CNTNAP2: variants seen among roughly 807,000 people sequenced by gnomAD.
CNTNAP2 encodes the protein contactin-associated protein-like 2.
In CNTNAP2, 98 loss-of-function variants were observed where a neutral mutation model predicts 155.2. The ratio of observed to expected loss-of-function variants is 0.63; its 90% CI spans 0.54 to 0.75. CNTNAP2 has a LOEUF of 0.75. Among genes scored for constraint, CNTNAP2 ranks in the 30% least tolerant of loss-of-function variants. CNTNAP2 has a pLI of 0.00. For missense variants in CNTNAP2, 1,727 were observed against 1,688.1 expected, an observed-to-expected ratio of 1.02 and a Z score of -0.40; for synonymous variants, 651 against 631.2, an observed-to-expected ratio of 1.03 and a Z score of -0.47.
chr7:146,563,135 A>T (rs1798305377), intron 1 of CNTNAP2, among the ~76,000 whole-genome samples: 1 of 152,200 alleles, frequency 6.6e-6, no homozygotes, highest in Non-Finnish European at 1.5e-5. Flanking sequence ...CTTTGCAGTT[A>T]AGTTTGCAGG....
chr7:147,262,530 C>G lies in CNTNAP2; in HGVS notation c.1349-37611C>G, dbSNP rs575649881. 5.3e-5 allele frequency among the ~76,000 whole-genome samples: 8 copies of G among 152,220 alleles called. No individual in the cohort carries two copies. In the South Asian group the frequency reaches 1.5e-3, roughly 28 times the overall value. The stretch of plus-strand genomic sequence containing the variant: ...AAGGACGCAGGGAGGCCGGGCCTGG[C>G]GCGGTGGCTCACGCCTGTAATCTCA... On this transcript the variant is annotated intron_variant, in intron 8 of 23. Coordinates refer to ENST00000361727, the MANE Select transcript of CNTNAP2 (RefSeq NM_014141.6).
intron 18 of CNTNAP2, among the ~76,000 whole-genome samples, chr7:148,195,033 C>T (rs1795254458): frequency 6.6e-6 from 1 of 152,202 alleles, no homozygotes; most frequent in Non-Finnish European, 1.5e-5. Flanking sequence ...AGCACTCAGT[C>T]AACACCCAAA....
intron 11 of CNTNAP2, among the ~76,000 whole-genome samples, chr7:147,490,215 T>C (rs6942651): frequency 0.034 from 5,207 of 152,278 alleles, 233 homozygotes; most frequent in African/African-American, 0.099. Context: ...AGATGACCTA[T>C]ATAATTCTCT....
intron 1 of CNTNAP2, among the ~76,000 whole-genome samples, chr7:146,528,287 G>A (rs1433618649): frequency 6.6e-6 from 1 of 152,168 alleles, no homozygotes; most frequent in Non-Finnish European, 1.5e-5. Flanking sequence ...GTGAGCTCTG[G>A]AGGAAGCCTG....
chr7:148,234,048 T>C (rs979320547), intron 20 of CNTNAP2, among the ~76,000 whole-genome samples: 2 of 152,224 alleles, frequency 1.3e-5, no homozygotes, highest in Non-Finnish European at 2.9e-5. Context: ...CTGTACAGCC[T>C]GTAGAACTGT....
At position 147,215,273 on chromosome 7, in the gene CNTNAP2, T is replaced by C. The variant is rs1803242343; in HGVS notation, c.1348+82764T>C. 2.0e-5 allele frequency among the ~76,000 whole-genome samples: 3 copies of C among 152,270 alleles called. 1 individual carries two copies. Among genetic ancestry groups the C allele is most frequent in the African/African-American group, 7.2e-5 (3 of 41,560 alleles). On this transcript the variant is annotated intron_variant, in intron 8 of 23. Coordinates refer to ENST00000361727, the MANE Select transcript of CNTNAP2 (RefSeq NM_014141.6). The stretch of plus-strand genomic sequence containing the variant: ...TGAACATCCTATGGGTTTTGACAAA[T>C]ATATAATGAAATATAGCCAACACTA...
At chr7:146,930,113 G>C (rs1401483093) in intron 3 of CNTNAP2, among the ~76,000 whole-genome samples, 1 of 151,994 alleles carries the variant, frequency 6.6e-6, no homozygotes, top group Non-Finnish European at 1.5e-5. Context: ...TCCTCGAGAA[G>C]AGCAACTCCA....
At chr7:148,081,786 G>C (rs1803609818) in intron 15 of CNTNAP2, among the ~76,000 whole-genome samples, 1 of 152,040 alleles carries the variant, frequency 6.6e-6, no homozygotes, top group Non-Finnish European at 1.5e-5. Flanking sequence ...TGAGGGGGTA[G>C]TAATTTTTCC....
At chr7:146,726,746 T>C (rs375049479) in intron 1 of CNTNAP2, among the ~76,000 whole-genome samples, 8 of 152,176 alleles carry the variant, frequency 5.3e-5, no homozygotes, top group African/African-American at 1.9e-4. Flanking sequence ...TCTTGGATTG[T>C]GAATGACCTC....
chr7:146,767,305 C>A lies in CNTNAP2; in HGVS notation c.98-6966C>A, dbSNP rs949463699. ...AAGATCTCTAATATAAAATGAAATA[C>A]ATAAAATGAGGCTATATTTGTATGG... On this transcript the variant is annotated intron_variant, in intron 1 of 23. Coordinates refer to ENST00000361727, the MANE Select transcript of CNTNAP2 (RefSeq NM_014141.6). 1.8e-4 allele frequency among the ~76,000 whole-genome samples: 28 copies of A among 152,048 alleles called. 1 individual carries two copies. Among genetic ancestry groups the A allele is most frequent in the African/African-American group, 6.8e-4 (28 of 41,414 alleles).
intron 1 of CNTNAP2, among the ~76,000 whole-genome samples, chr7:146,194,791 A>C (rs1276179292): frequency 6.6e-6 from 1 of 152,206 alleles, no homozygotes; most frequent in Non-Finnish European, 1.5e-5. Flanking sequence ...TATGCTTGCA[A>C]CCACAATCTG....
intron 12 of CNTNAP2, among the ~76,000 whole-genome samples, chr7:147,628,773 G>T (rs1015943140): frequency 6.6e-6 from 1 of 151,526 alleles, no homozygotes; most frequent in Non-Finnish European, 1.5e-5. Flanking sequence ...AGGTAAAGGG[G>T]TGGAAAAAGA....
At chr7:147,632,895 A>G (rs1249954467) in intron 12 of CNTNAP2, among the ~76,000 whole-genome samples, 1 of 152,214 alleles carries the variant, frequency 6.6e-6, no homozygotes, top group Non-Finnish European at 1.5e-5. Flanking sequence ...AACTGGAGTA[A>G]AAGTGACTCT....
chr7:146,681,502 G>A (rs1273834217), intron 1 of CNTNAP2, among the ~76,000 whole-genome samples: 1 of 85,956 alleles, frequency 1.2e-5, no homozygotes, highest in Non-Finnish European at 2.4e-5. Context: ...GGAGAAGGGT[G>A]GGGAGTGGGA....
intron 20 of CNTNAP2, among the ~76,000 whole-genome samples, chr7:148,238,930 T>G (rs1404964597): frequency 2.6e-5 from 4 of 152,256 alleles, no homozygotes; most frequent in Admixed American, 6.5e-5. Context: ...AAAATTTTAC[T>G]ATCAGAAGTT....
chr7:147,071,604 A>G (rs541211666), intron 4 of CNTNAP2, among the ~76,000 whole-genome samples: 2 of 152,324 alleles, frequency 1.3e-5, no homozygotes, highest in African/African-American at 4.8e-5. Flanking sequence ...GTCATCATTC[A>G]CTTAACAGAT....
intron 8 of CNTNAP2, among the ~76,000 whole-genome samples, chr7:147,183,168 A>G (rs1358951655): frequency 6.6e-6 from 1 of 152,142 alleles, no homozygotes; most frequent in South Asian, 2.1e-4. Context: ...AAAAAAGGAA[A>G]CATTAAGCTA....
At chr7:147,556,565 G>A (rs1052269348) in intron 11 of CNTNAP2, among the ~76,000 whole-genome samples, 1 of 152,210 alleles carries the variant, frequency 6.6e-6, no homozygotes, top group Non-Finnish European at 1.5e-5. Flanking sequence ...GAGAGTTGCA[G>A]TGATGCAGCA....
At chr7:148,293,281 C>T (rs1389665319) in intron 21 of CNTNAP2, among the ~76,000 whole-genome samples, 1 of 152,122 alleles carries the variant, frequency 6.6e-6, no homozygotes, top group Non-Finnish European at 1.5e-5. Context: ...ACCAAAAAAT[C>T]TGCAGTATTA....
Sources: allele counts gnomAD v4.1 joint callset (sites outside exome capture counted in the v4.1 genomes callset), GRCh38; gene constraint gnomAD v4.1.1; transcripts MANE v1.5; gene names NCBI Gene and HGNC (gene_info 2026-07-23, HGNC 2026-07-21).